The following KIF14 variants were observed in gnomAD, a reference collection of about 807,000 sequenced individuals.
KIF14 encodes kinesin-like protein KIF14.
In KIF14, 98 loss-of-function variants were observed where a neutral mutation model predicts 176.2. The ratio of observed to expected loss-of-function variants is 0.56; its 90% CI spans 0.47 to 0.66. KIF14 has a LOEUF of 0.66. Ranked by LOEUF, KIF14 falls within the 30% of genes least tolerant of loss-of-function variation. The pLI is 0.00. For synonymous variants in KIF14, 566 were observed against 632.2 expected (o/e 0.90, Z 1.57); for missense variants, 1,751 against 1,920.4 (o/e 0.91, Z 1.65).
At position 200,614,421 on chromosome 1, in the gene KIF14, T is replaced by A; in HGVS notation, c.1368-16A>T. ...TCCCATCATCCTGAAAAATACATTATGAATAAGGGGGAAATAAAACTAATT... is the reference window on the plus strand; with the variant it reads ...TCCCATCATCCTGAAAAATACATTAAGAATAAGGGGGAAATAAAACTAATT... On this transcript the variant is annotated splice_polypyrimidine_tract_variant and intron_variant, in intron 3 of 29. Coordinates refer to ENST00000367350, the MANE Select transcript of KIF14 (RefSeq NM_014875.3). 2.1e-6 allele frequency: 3 copies of A among 1,435,024 alleles called. No homozygotes were observed. The highest frequency in any genetic ancestry group is 2.4e-5 in the South Asian group (2 of 84,816). 88.9% of individuals were successfully genotyped at this position (1,435,024 alleles called of 1,614,324 possible).
intron 21 of KIF14, among the ~76,000 whole-genome samples, chr1:200,577,007 T>C (rs1164603036): frequency 6.6e-6 from 1 of 151,986 alleles, no homozygotes; most frequent in Non-Finnish European, 1.5e-5. Context: ...TTTTCAGATT[T>C]TTGGTAAAAG....
chr1:200,577,016 A>G (rs1349399681), intron 21 of KIF14, among the ~76,000 whole-genome samples: 1 of 152,070 alleles, frequency 6.6e-6, no homozygotes, highest in African/African-American at 2.4e-5. Flanking sequence ...TTTTGGTAAA[A>G]GAGACAGGGT....
At chr1:200,607,847 C>A (rs920641643) in intron 5 of KIF14, among the ~76,000 whole-genome samples, 9 of 152,148 alleles carry the variant, frequency 5.9e-5, no homozygotes, top group African/African-American at 1.9e-4. Context: ...ACTACAGGCA[C>A]GCGCCACCAT....
At position 200,603,851 on chromosome 1, in the gene KIF14, TCCATTAGTG is replaced by T. The variant is rs770685907; in HGVS notation, c.1842_1850del (p.His614_Gly617delinsGln). 1 of 1,593,158 alleles carries T rather than the reference TCCATTAGTG, an allele frequency of 6.3e-7. No individual in the cohort carries two copies. The highest frequency in any genetic ancestry group is 8.6e-7 in the Non-Finnish European group (1 of 1,161,456). On this transcript the variant is annotated inframe_deletion, in exon 9 of 30. Transcript: ENST00000367350. ...GCATTCCATTTACCTTTAGTCGATC[TCCATTAGTG>T]TGAGCCGTAGAGCAGCGCTCACTGC...
At chr1:200,569,039 C>A (rs1026557771) in intron 23 of KIF14, among the ~76,000 whole-genome samples, 2 of 151,642 alleles carry the variant, frequency 1.3e-5, no homozygotes, top group African/African-American at 4.8e-5. Context: ...GATTCTCCCG[C>A]CTCAGCCTCT....
chr1:200,575,643 C>A lies in KIF14; in HGVS notation c.3514G>T (p.Glu1172Ter). 6.3e-7 allele frequency: 1 copy of A among 1,592,468 alleles called. No homozygotes were observed. The highest frequency in any genetic ancestry group is 8.6e-7 in the Non-Finnish European group (1 of 1,166,098). ...GCATCTGTAATGTCGGGTTCCCATT[C>A]ATCTTCAGGATCACAAAAGGCATCT... is the stretch of plus-strand genomic sequence containing the variant. ...GEDAFCDPED[E>*]WEPDITDAPV... is the part of the protein sequence containing the mutation. Residue 1172 changes from glutamate to a stop codon, truncating the protein, a stop_gained, in exon 22 of 30, where the codon GAA becomes TAA. Coordinates refer to ENST00000367350, the MANE Select transcript of KIF14 (RefSeq NM_014875.3). LOFTEE classifies it high-confidence loss of function.
In KIF14 at chr1:200,589,248, C is replaced by G. The variant is rs143052858; in HGVS notation, c.3083G>C (p.Arg1028Pro). The G allele has an allele frequency of 1.2e-6, 2 of 1,608,530 alleles. No homozygotes were observed. The highest frequency in any genetic ancestry group is 1.7e-6 in the Non-Finnish European group (2 of 1,176,916). Residue 1028 changes from arginine (R) to proline (P), a missense_variant, in exon 18 of 30, where the codon CGA (arginine) becomes CCA (proline). Arg to Pro is a moderately radical substitution (Grantham distance 103). Coordinates refer to ENST00000367350, the MANE Select transcript of KIF14 (RefSeq NM_014875.3). Reference sequence around the variant, plus strand: ...TGTAGCCAATGTTTCCATTTCTAATCGCTTTTTGTTGACATATATTTCCTG... The same window carrying G: ...TGTAGCCAATGTTTCCATTTCTAATGGCTTTTTGTTGACATATATTTCCTG... ...LEQEIYVNKK[R>P]LEMETLATKQ... is the part of the protein sequence containing the mutation.
chr1:200,569,449 GA>G (rs1387703910), intron 23 of KIF14, among the ~76,000 whole-genome samples: 1 of 152,096 alleles, frequency 6.6e-6, no homozygotes, highest in Non-Finnish European at 1.5e-5. Context: ...GGGATGCAGT[GA>G]AAAGGGTGCC....
chr1:200,568,212 T>TG (rs1273609824), intron 23 of KIF14, among the ~76,000 whole-genome samples: 2 of 152,166 alleles, frequency 1.3e-5, no homozygotes, highest in Non-Finnish European at 2.9e-5. Context: ...TTACTGTCTT[T>TG]GAAAACCACA....
chr1:200,565,349 T>A, intron 24 of KIF14, 96 bp from the exon 25 acceptor site: 1 of 1,408,078 alleles, frequency 7.1e-7, no homozygotes, highest in Admixed American at 2.2e-5. Context: ...AGTTAAAAGA[T>A]GCATGCCAGA....
At chr1:200,592,379 C>CT (rs952676970) in intron 15 of KIF14, 139 bp from the exon 16 acceptor site, 536 of 645,752 alleles carry the variant, frequency 8.3e-4, no homozygotes, top group South Asian at 1.0e-3. Flanking sequence ...ACATTTATTA[C>CT]TTTTTTTTTC....
At position 200,600,111 on chromosome 1, in the gene KIF14, A is replaced by G. The variant is rs1659550479; in HGVS notation, c.2303T>C (p.Val768Ala). 1 of 1,595,430 alleles carries G rather than the reference A, an allele frequency of 6.3e-7. No individual in the cohort carries two copies. The highest frequency in any genetic ancestry group is 1.7e-5 in the Admixed American group (1 of 59,022). ...AGCTTGTTCAAACTTTTCTTTCCAC[A>G]CTCTTTCCAAAGACAAAGAAAATAA... is the stretch of plus-strand genomic sequence containing the variant. ...QERDMAEMQRVWKEKFEQAEK... is the reference protein window; with the variant it reads ...QERDMAEMQRAWKEKFEQAEK... Residue 768 changes from valine (V) to alanine (A), a missense_variant and splice_region_variant, in exon 13 of 30, where the codon GTG becomes GCG. Transcript: ENST00000367350.
intron 23 of KIF14, among the ~76,000 whole-genome samples, chr1:200,569,115 G>A (rs1657636990): frequency 6.6e-6 from 1 of 151,894 alleles, no homozygotes; most frequent in Non-Finnish European, 1.5e-5. Flanking sequence ...AGTAGAGACA[G>A]GGTTTCTCCA....
intron 4 of KIF14, among the ~76,000 whole-genome samples, chr1:200,611,492 T>C (rs1039578911): frequency 1.3e-5 from 2 of 152,214 alleles, no homozygotes; most frequent in African/African-American, 4.8e-5. Flanking sequence ...TGACAAATGC[T>C]ATGAACAGGG....
At chr1:200,598,940 TCA>T (rs1337380422) in intron 13 of KIF14, among the ~76,000 whole-genome samples, 1 of 152,168 alleles carries the variant, frequency 6.6e-6, no homozygotes, top group Non-Finnish European at 1.5e-5. Context: ...TTCACCATCC[TCA>T]GTCTACTCAT....
Position 200,614,324 on chromosome 1 carries a change from G to A in KIF14, c.1449C>T (p.Thr483=). The change falls in exon 4 of 30, where the codon ACC becomes ACT. Residue 483 remains threonine, a synonymous_variant. Transcript: ENST00000367350. ...DLFSQVARKQ[T]QEVSYHIEMS... is the part of the protein sequence containing the mutation. ...AGGTATTATAAGAACATACCTCTTG[G>A]GTTTGTTTTCTGGCTACTTGAGAAA... The A allele has an allele frequency of 6.3e-7, 1 of 1,582,332 alleles. No individual in the cohort carries two copies.
intron 2 of KIF14, 119 bp downstream of exon 2, chr1:200,617,492 TA>T: frequency 1.0e-6 from 1 of 955,884 alleles, no homozygotes; most frequent in Non-Finnish European, 1.6e-6. Context: ...TCTTTCTATA[TA>T]AAAGTATTGC....
chr1:200,568,443 A>G (rs919675136), intron 23 of KIF14, among the ~76,000 whole-genome samples: 8 of 152,206 alleles, frequency 5.3e-5, no homozygotes, highest in South Asian at 4.1e-4. Context: ...CTAAAATTTA[A>G]AGTCAAGATG....
intron 18 of KIF14, among the ~76,000 whole-genome samples, 169 bp downstream of exon 18, chr1:200,589,048 G>A (rs1658905076): frequency 6.6e-6 from 1 of 152,166 alleles, no homozygotes; most frequent in Non-Finnish European, 1.5e-5. Context: ...TGTGTGATCT[G>A]TGAGCAGTAC....
Sources: gnomAD v4.1 joint callset for allele counts (sites outside exome capture counted in the v4.1 genomes callset) on GRCh38, gnomAD v4.1.1 for gene constraint, MANE v1.5 for transcripts, NCBI Gene and HGNC (gene_info 2026-07-23, HGNC 2026-07-21) for gene names.